Variants in FOXP1 observed in about 807,000 individuals in gnomAD.
FOXP1 encodes forkhead box P1.
FOXP1 carries 15 observed loss-of-function variants against 98.2 expected under a neutral mutation model. That is an observed-to-expected ratio of 0.15 (90% confidence interval 0.10 to 0.24). The LOEUF (loss-of-function observed/expected upper bound fraction) is 0.24, where lower values mean the gene tolerates loss of function less well. FOXP1 is among the 10% of genes least tolerant of loss of function. The pLI, the probability that FOXP1 is intolerant of heterozygous loss-of-function variation, is 1.00. For synonymous variants in FOXP1, 371 were observed against 314.5 expected (o/e 1.18, Z -1.90); for missense variants, 633 against 848.5 (o/e 0.75, Z 3.15).
chr3:71,067,776 G>C (rs1412738524), intron 7 of FOXP1, among the ~76,000 whole-genome samples: 2 of 49,702 alleles, frequency 4.0e-5, no homozygotes, highest in Non-Finnish European at 1.2e-4. Flanking sequence ...TTAGCCACGT[G>C]TGATGGTGCA....
rs71120316 is a variant in FOXP1 at position 71,345,871 on chromosome 3, T to TAAAAAAAAAAAAAAAAAAAAAAAAAAA, written c.-73+13252_-73+13278dup. Among the ~76,000 whole-genome samples the TAAAAAAAAAAAAAAAAAAAAAAAAAAA allele has an allele frequency of 4.5e-4, 25 of 55,096 alleles. 1 individual carries two copies. The highest frequency in any genetic ancestry group is 7.1e-4 in the Non-Finnish European group (21 of 29,650). 36.1% of individuals were successfully genotyped at this position (55,096 alleles called of 152,430 possible). On this transcript the variant is annotated intron_variant, in intron 4 of 20. Transcript: ENST00000649528. Reference sequence around the variant, plus strand: ...AGGTTTGAAATCAATAAAGTTTTTGTAAAAAAAAAAAAAAAAAAAAAAAAA... The same window carrying TAAAAAAAAAAAAAAAAAAAAAAAAAAA: ...AGGTTTGAAATCAATAAAGTTTTTGTAAAAAAAAAAAAAAAAAAAAAAAAAAAAAAAAAAAAAAAAAAAAAAAAAAAA...
At chr3:71,016,200 G>C (rs1180580898) in intron 11 of FOXP1, among the ~76,000 whole-genome samples, 3 of 151,666 alleles carry the variant, frequency 2.0e-5, no homozygotes, top group African/African-American at 2.4e-5. Flanking sequence ...CAGATGATTC[G>C]TGTTTTTTTT....
intron 12 of FOXP1, among the ~76,000 whole-genome samples, chr3:71,005,314 T>TAAAAAAAA (rs60664354): frequency 2.4e-4 from 6 of 25,262 alleles, no homozygotes; most frequent in Non-Finnish European, 3.0e-4. Context: ...ATACCTGATT[T>TAAAAAAAA]AAAAAAAAAA....
chr3:71,463,646 T>C (rs2088391356), intron 3 of FOXP1, among the ~76,000 whole-genome samples: 1 of 152,158 alleles, frequency 6.6e-6, no homozygotes, highest in African/African-American at 2.4e-5. Flanking sequence ...TTAATGCCTG[T>C]ACCATGCTTT....
chr3:71,581,242 G>T (rs1461144509), intron 2 of FOXP1: 12 of 985,294 alleles, frequency 1.2e-5, no homozygotes, highest in Non-Finnish European at 1.3e-5. Context: ...ATAGTTATAA[G>T]AGGGGAGTGG....
At chr3:71,183,504 C>T (rs2062457820) in intron 6 of FOXP1, among the ~76,000 whole-genome samples, 1 of 152,000 alleles carries the variant, frequency 6.6e-6, no homozygotes, top group South Asian at 2.1e-4. Flanking sequence ...GTCTCAAAAA[C>T]AAAACAAAAC....
intron 5 of FOXP1, among the ~76,000 whole-genome samples, chr3:71,270,299 T>C (rs190842735): frequency 1.3e-5 from 2 of 152,318 alleles, no homozygotes; most frequent in East Asian, 3.9e-4. Flanking sequence ...CTAGTGCTAT[T>C]AGCATTTCAG....
chr3:71,577,982 T>C (rs1031927480), intron 2 of FOXP1, among the ~76,000 whole-genome samples: 6 of 152,066 alleles, frequency 3.9e-5, no homozygotes, highest in Admixed American at 3.3e-4. Context: ...ATATTGCTGG[T>C]ATAGCAAAAA....
intron 2 of FOXP1, among the ~76,000 whole-genome samples, chr3:71,568,517 T>TG (rs555659003): frequency 2.2e-4 from 33 of 152,322 alleles, no homozygotes; most frequent in Admixed American, 4.6e-4. Context: ...GCCCCACCCT[T>TG]GGTTTAATGC....
chr3:70,990,352 T>C (rs762711538), intron 13 of FOXP1, among the ~76,000 whole-genome samples: 3 of 152,194 alleles, frequency 2.0e-5, no homozygotes, highest in South Asian at 2.1e-4. Context: ...TTCACACCTA[T>C]TGAAACCACA....
intron 4 of FOXP1, among the ~76,000 whole-genome samples, chr3:71,346,181 G>A (rs2077348752): frequency 6.6e-6 from 1 of 152,164 alleles, no homozygotes; most frequent in South Asian, 2.1e-4. Context: ...AATGAGGGAA[G>A]GCGAATGCCA....
chr3:71,038,262 G>A (rs970319376), intron 11 of FOXP1, among the ~76,000 whole-genome samples: 1 of 152,162 alleles, frequency 6.6e-6, no homozygotes, highest in Non-Finnish European at 1.5e-5. Flanking sequence ...TTCCCATCGA[G>A]CACCCCCAGA....
chr3:70,980,498 G>A (rs1031280145), intron 14 of FOXP1, among the ~76,000 whole-genome samples: 1 of 152,228 alleles, frequency 6.6e-6, no homozygotes, highest in Non-Finnish European at 1.5e-5. Context: ...TTACAGATAA[G>A]CAAACTGAGG....
intron 6 of FOXP1, among the ~76,000 whole-genome samples, chr3:71,136,758 C>T (rs981227610): frequency 2.6e-5 from 4 of 151,748 alleles, no homozygotes; most frequent in South Asian, 2.1e-4. Context: ...TTTTTGCATA[C>T]GCAATTGAAG....
chr3:71,296,668 T>C (rs1345133626), intron 5 of FOXP1, among the ~76,000 whole-genome samples: 1 of 151,870 alleles, frequency 6.6e-6, no homozygotes, highest in Non-Finnish European at 1.5e-5. Context: ...GAAGATGATG[T>C]ATGATATACT....
intron 12 of FOXP1, among the ~76,000 whole-genome samples, chr3:71,008,556 T>G (rs774631261): frequency 3.9e-5 from 6 of 152,084 alleles, no homozygotes; most frequent in Non-Finnish European, 5.9e-5. Context: ...AATGCAACAG[T>G]CACATGATAA....
chr3:71,474,139 T>A (rs1191342293), intron 3 of FOXP1, among the ~76,000 whole-genome samples: 2 of 152,064 alleles, frequency 1.3e-5, no homozygotes, highest in Non-Finnish European at 2.9e-5. Flanking sequence ...TAGAAGGAAA[T>A]ACACTTAGAT....
chr3:71,351,124 G>T (rs1284095994), intron 4 of FOXP1, among the ~76,000 whole-genome samples: 23 of 152,046 alleles, frequency 1.5e-4, no homozygotes, highest in Admixed American at 1.5e-3. Context: ...CTCATGAAAG[G>T]TTATCCTGCC....
chr3:71,338,595 T>A (rs1029519629), intron 4 of FOXP1, among the ~76,000 whole-genome samples: 1 of 152,076 alleles, frequency 6.6e-6, no homozygotes, highest in Non-Finnish European at 1.5e-5. Context: ...GCCCAGCTAA[T>A]TTTTTTGTAT....
Sources: allele counts gnomAD v4.1 joint callset (sites outside exome capture counted in the v4.1 genomes callset), GRCh38; gene constraint gnomAD v4.1.1; transcripts MANE v1.5; gene names NCBI Gene and HGNC (gene_info 2026-07-23, HGNC 2026-07-21).